CA5A: variants seen among roughly 807,000 people sequenced by gnomAD.
CA5A encodes carbonic anhydrase 5A, mitochondrial.
CA5A carries 28 observed loss-of-function variants against 37.1 expected under a neutral mutation model. The ratio of observed to expected loss-of-function variants is 0.75; its 90% CI spans 0.56 to 1.03. The LOEUF is 1.03. Among genes scored for constraint, CA5A ranks in the 50% least tolerant of loss-of-function variants. The pLI, the probability that CA5A is intolerant of heterozygous loss-of-function variation, is 0.00. For missense variants in CA5A, 444 were observed against 399.9 expected (o/e 1.11, Z -0.94); for synonymous variants, 171 against 158.4 (o/e 1.08, Z -0.60).
intron 5 of CA5A, among the ~76,000 whole-genome samples, chr16:87,895,018 T>C (rs910265854): frequency 6.2e-5 from 9 of 145,660 alleles, no homozygotes; most frequent in African/African-American, 2.3e-4. Flanking sequence ...GGGAGGCCGA[T>C]GTGGGAGGAC....
chr16:87,893,288 C>A, intron 5 of CA5A: 1 of 367,066 alleles, frequency 2.7e-6, no homozygotes, highest in East Asian at 5.8e-5. Flanking sequence ...CCATCGCGAC[C>A]AGCTAATTTT....
At chr16:87,918,234 C>T (rs1392677445) in intron 2 of CA5A, among the ~76,000 whole-genome samples, 5 of 152,252 alleles carry the variant, frequency 3.3e-5, no homozygotes, top group African/African-American at 1.2e-4. Flanking sequence ...TTCACACAGC[C>T]CTGCCCAATG....
At chr16:87,912,989 GT>G (rs35315484) in intron 2 of CA5A, among the ~76,000 whole-genome samples, 207 of 146,416 alleles carry the variant, frequency 1.4e-3, no homozygotes, top group African/African-American at 3.2e-3. Context: ...CCGCAACATG[GT>G]TTTTTTTTTT....
chr16:87,922,700 G>A (rs2056247637), intron 2 of CA5A, among the ~76,000 whole-genome samples: 2 of 152,246 alleles, frequency 1.3e-5, no homozygotes, highest in African/African-American at 4.8e-5. Flanking sequence ...GCTCTCCTGG[G>A]GACCGACTGT....
At position 87,930,036 on chromosome 16, in the gene CA5A, T is replaced by C. The variant is rs911581228; in HGVS notation, c.143-3091A>G. Among the ~76,000 whole-genome samples the C allele has an allele frequency of 1.2e-4, 18 of 152,272 alleles. No homozygotes were observed. In the South Asian group the frequency reaches 2.3e-3, roughly 19 times the overall value. ...GCCCTATGGGAGATAAAGGTGATGA[T>C]AGATAGTAGGATGGTTGTGTGCCTG... On this transcript the variant is annotated intron_variant, in intron 1 of 6. Coordinates refer to ENST00000649794, the MANE Select transcript of CA5A (RefSeq NM_001739.2).
chr16:87,918,493 C>G (rs764904735), intron 2 of CA5A, among the ~76,000 whole-genome samples: 1 of 152,014 alleles, frequency 6.6e-6, no homozygotes, highest in African/African-American at 2.4e-5. Context: ...GTCCTTGGCC[C>G]ATGCTTGCTC....
At chr16:87,895,012 G>A (rs932799009) in intron 5 of CA5A, among the ~76,000 whole-genome samples, 18 of 152,190 alleles carry the variant, frequency 1.2e-4, no homozygotes, top group African/African-American at 4.1e-4. Context: ...CACTTTGGGA[G>A]GCCGATGTGG....
intron 4 of CA5A, among the ~76,000 whole-genome samples, chr16:87,902,218 G>C (rs539714691): frequency 6.6e-6 from 1 of 152,050 alleles, no homozygotes; most frequent in Non-Finnish European, 1.5e-5. Context: ...GCTGGGTGTG[G>C]TGGCACACTC....
chr16:87,889,054 G>T (rs1037965298), intron 6 of CA5A, among the ~76,000 whole-genome samples: 3 of 151,990 alleles, frequency 2.0e-5, no homozygotes, highest in Non-Finnish European at 2.9e-5. Context: ...TGAGTAGCTG[G>T]GCTTACAGGC....
chr16:87,894,147 G>T (rs2143914173), intron 5 of CA5A, among the ~76,000 whole-genome samples: 2 of 150,900 alleles, frequency 1.3e-5, no homozygotes, highest in South Asian at 4.2e-4. Context: ...TATTTTTTTT[G>T]AGGCAGAGTC....
At chr16:87,934,761 A>ACC (rs1383110016) in intron 1 of CA5A, among the ~76,000 whole-genome samples, 1 of 152,126 alleles carries the variant, frequency 6.6e-6, no homozygotes, top group African/African-American at 2.4e-5. Flanking sequence ...GGAGTTTGAG[A>ACC]CCAGCCTGGC....
chr16:87,926,318 C>A (rs1175557405), intron 2 of CA5A, among the ~76,000 whole-genome samples: 1 of 152,222 alleles, frequency 6.6e-6, no homozygotes, highest in Admixed American at 6.5e-5. Context: ...CCCTGCCCTG[C>A]TGTGGACCCA....
At chr16:87,924,202 G>A (rs547244742) in intron 2 of CA5A, 7 of 985,418 alleles carry the variant, frequency 7.1e-6, no homozygotes, top group Middle Eastern at 5.2e-4. Context: ...CTTTGCTTAC[G>A]TTGGCTGGAG....
intron 2 of CA5A, among the ~76,000 whole-genome samples, chr16:87,917,716 A>C (rs532107656): frequency 9.4e-4 from 61 of 64,840 alleles, no homozygotes; most frequent in African/African-American, 2.6e-3. Context: ...CACACACATG[A>C]ACACGTGCAC....
At chr16:87,912,855 A>G (rs1418475229) in intron 2 of CA5A, among the ~76,000 whole-genome samples, 1 of 152,256 alleles carries the variant, frequency 6.6e-6, no homozygotes, top group Non-Finnish European at 1.5e-5. Flanking sequence ...AGCAGCCACC[A>G]CAACGGAACA....
chr16:87,903,336 C>T (rs2055908369), intron 3 of CA5A, among the ~76,000 whole-genome samples: 1 of 152,014 alleles, frequency 6.6e-6, no homozygotes, highest in Non-Finnish European at 1.5e-5. Context: ...AAGGCTGAGG[C>T]AGGAGAATCA....
Position 87,911,024 on chromosome 16 carries a change from C to T in CA5A, c.341-6120G>A, listed in dbSNP as rs906081706. On this transcript the variant is annotated intron_variant, in intron 2 of 6. Coordinates refer to ENST00000649794, the MANE Select transcript of CA5A (RefSeq NM_001739.2). This position sits in a 1 kb window ranked among gnomAD's most constrained non-coding sequence, Gnocchi z 4.6. ...TCAGCCTCCCCAAGTGCTGGGATTA[C>T]AAGCATGAGCCACTGTGCCCAGCCT... Among the ~76,000 whole-genome samples, 3 of 146,244 alleles carry T rather than the reference C, an allele frequency of 2.1e-5. No homozygotes were observed. The highest frequency in any genetic ancestry group is 5.1e-5 in the African/African-American group (2 of 39,362).
At chr16:87,902,151 C>T (rs879909840) in intron 4 of CA5A, among the ~76,000 whole-genome samples, 177 bp from the exon 5 acceptor site, 7 of 151,750 alleles carry the variant, frequency 4.6e-5, no homozygotes, top group Non-Finnish European at 8.8e-5. Flanking sequence ...GTCAGGAGTT[C>T]GAAACCAGCC....
intron 1 of CA5A, among the ~76,000 whole-genome samples, chr16:87,931,743 A>G (rs923764307): frequency 6.6e-6 from 1 of 152,182 alleles, no homozygotes; most frequent in African/African-American, 2.4e-5. Context: ...GCCGGAAAGC[A>G]GTGACTAAGC....
Sources: gnomAD v4.1 joint callset for allele counts (sites outside exome capture counted in the v4.1 genomes callset) on GRCh38, gnomAD v4.1.1 for gene constraint, Gnocchi (gnomAD v3.1) non-coding constraint, MANE v1.5 for transcripts, NCBI Gene and HGNC (gene_info 2026-07-23, HGNC 2026-07-21) for gene names.